The following GAPVD1 variants were observed in gnomAD, a reference collection of about 807,000 sequenced individuals.
GAPVD1 encodes GTPase-activating protein and VPS9 domain-containing protein 1.
Under a neutral mutation model 155.5 loss-of-function variants are expected in GAPVD1, and 35 were observed. That is an observed-to-expected ratio of 0.23 (90% CI 0.17 to 0.30). The LOEUF is 0.30. Among genes scored for constraint, GAPVD1 ranks in the 10% least tolerant of loss-of-function variants. The pLI is 1.00. For synonymous variants in GAPVD1, 636 were observed against 619.7 expected (o/e 1.03, Z -0.39); for missense variants, 1,429 against 1,775.7 (o/e 0.80, Z 3.51).
chr9:125,263,845 G>C (rs997454662), intron 1 of GAPVD1: 5 of 1,216,750 alleles, frequency 4.1e-6, no homozygotes, highest in Middle Eastern at 2.7e-4. Flanking sequence ...TACAGTCTCC[G>C]GGGGGCAGAT....
chr9:125,341,459 A>T, intron 18 of GAPVD1, 195 bp downstream of exon 18: 1 of 477,820 alleles, frequency 2.1e-6, no homozygotes, highest in Non-Finnish European at 3.7e-6. Flanking sequence ...TGTTCTTTGC[A>T]GGAAGTGATA....
At chr9:125,323,642 G>A (rs878874078) in intron 10 of GAPVD1, among the ~76,000 whole-genome samples, 156 bp from the exon 11 acceptor site, 1 of 152,110 alleles carries the variant, frequency 6.6e-6, no homozygotes, top group Admixed American at 6.5e-5. Context: ...TAAATTCCTA[G>A]AAGCAGAATT....
chr9:125,284,614 C>G (rs113278398), intron 2 of GAPVD1, among the ~76,000 whole-genome samples: 31 of 152,108 alleles, frequency 2.0e-4, no homozygotes, highest in African/African-American at 6.7e-4. Flanking sequence ...CCTCTGGCCT[C>G]CTTCAGAATT....
rs764189053 is a variant in GAPVD1, at chr9:125,355,686, T to C, written c.3800T>C (p.Val1267Ala). The change falls in exon 25 of 28, where the codon GTA (valine) becomes GCA (alanine). Residue 1267 changes from valine (V) to alanine (A), a missense_variant. By Grantham distance (64) the Val-to-Ala change is moderately conservative. Around this residue, in one of 4 missense-constraint regions of GAPVD1, gnomAD observed 699 missense variants for 826.0 expected, o/e 0.85. Coordinates refer to ENST00000297933, the MANE Select transcript of GAPVD1 (RefSeq NM_001282680.3). ...LTAADDKTAQVEDFLQFLYGA... is the reference protein window; with the variant it reads ...LTAADDKTAQAEDFLQFLYGA... ...GCAGCTGACGATAAAACTGCTCAGG[T>C]AGAAGATTTTCTGCAGTTTCTTTAT... 16 of 1,613,682 alleles carry C rather than the reference T, an allele frequency of 9.9e-6. No homozygotes were observed. The African/African-American group carries it at 1.9e-4, about 19-fold the overall frequency.
At position 125,341,187 on chromosome 9, in the gene GAPVD1, G is replaced by A. The variant is rs756654918; in HGVS notation, c.2888G>A (p.Arg963His). 6 of 1,589,976 alleles carry A rather than the reference G, an allele frequency of 3.8e-6. No homozygotes were observed. In the African/African-American group the frequency reaches 4.0e-5, roughly 11 times the overall value. ...CAACTTTTTCTACAGACTGAAGAAC[G>A]CAAAGATAGCGATGATGAGAAATCA... ...KDSSRGETEE[R>H]KDSDDEKSDR... Residue 963 changes from arginine (R) to histidine (H), a missense_variant, in exon 18 of 28, where the codon CGC becomes CAC. Arg to His is a conservative substitution (Grantham distance 29). Coordinates refer to ENST00000297933, the MANE Select transcript of GAPVD1 (RefSeq NM_001282680.3).
At position 125,354,638 on chromosome 9, in the gene GAPVD1, G is replaced by T; in HGVS notation, c.3570-16G>T. ...CTGAATATATCTGATGTCATGCAAA[G>T]TATTTTTCCTTTTAGAAAAAGAGCC... On this transcript the variant is annotated splice_polypyrimidine_tract_variant and intron_variant, in intron 23 of 27. Transcript: ENST00000297933. The T allele has an allele frequency of 6.4e-7, 1 of 1,573,112 alleles. No homozygotes were observed. The highest frequency in any genetic ancestry group is 2.2e-5 in the East Asian group (1 of 44,680).
chr9:125,268,518 G>A (rs1329849068), intron 1 of GAPVD1, among the ~76,000 whole-genome samples: 3 of 98,768 alleles, frequency 3.0e-5, no homozygotes, highest in African/African-American at 4.4e-5. Context: ...TTTTTTTTTC[G>A]AGACAAGGTC....
intron 2 of GAPVD1, among the ~76,000 whole-genome samples, chr9:125,290,979 G>C (rs2132478657): frequency 7.4e-6 from 1 of 134,512 alleles, no homozygotes; most frequent in South Asian, 2.5e-4. Flanking sequence ...GCAACAGCAA[G>C]ACCCTGTCTC....
chr9:125,341,287 C>T (rs778820894), intron 18 of GAPVD1, 23 bp downstream of exon 18: 9 of 1,177,626 alleles, frequency 7.6e-6, no homozygotes, highest in East Asian at 4.7e-5. Context: ...AATATTAGAA[C>T]GCTGTATTAG....
chr9:125,328,186 TTC>T (rs1269788525), intron 12 of GAPVD1, among the ~76,000 whole-genome samples: 4 of 148,554 alleles, frequency 2.7e-5, no homozygotes, highest in African/African-American at 5.0e-5. Context: ...GCAAATAGAT[TTC>T]TTTTTTTTTT....
Position 125,362,606 on chromosome 9 carries a change from G to A in GAPVD1, c.4243G>A (p.Ala1415Thr). 1 of 1,592,982 alleles carries A rather than the reference G, an allele frequency of 6.3e-7. No individual in the cohort carries two copies. The part of the protein sequence containing the change: ...VPVLVFVLIK[A>T]NPPCLLSTVQ... Reference sequence around the variant, plus strand: ...TCTTTTTTATTTTTCACTTCTCTAGGCAAATCCACCCTGTTTGCTGTCTAC... The same window carrying A: ...TCTTTTTTATTTTTCACTTCTCTAGACAAATCCACCCTGTTTGCTGTCTAC... The change falls in exon 28 of 28, where the codon GCA (alanine) becomes ACA (threonine). Residue 1415 changes from alanine to threonine, a missense_variant and splice_region_variant. Coordinates refer to ENST00000297933, the MANE Select transcript of GAPVD1 (RefSeq NM_001282680.3).
chr9:125,364,144 G>A lies in GAPVD1; in HGVS notation c.*1398G>A, dbSNP rs1851277566. The A allele has an allele frequency of 6.6e-6, 1 of 152,242 alleles. No individual in the cohort carries two copies. Among genetic ancestry groups the A allele is most frequent in the Non-Finnish European group, 1.5e-5 (1 of 68,036 alleles). 9.4% of individuals were successfully genotyped at this position (152,242 alleles called of 1,614,324 possible). ...TCTTTTAAGGGAACTGTGACAAACA[G>A]CCTCGGGCAGATGAACACGGAGGCT... On this transcript the variant is annotated 3_prime_UTR_variant, in exon 28 of 28. Coordinates refer to ENST00000297933, the MANE Select transcript of GAPVD1 (RefSeq NM_001282680.3).
At chr9:125,303,640 G>A (rs1031834789) in intron 5 of GAPVD1, among the ~76,000 whole-genome samples, 1 of 151,992 alleles carries the variant, frequency 6.6e-6, no homozygotes, top group African/African-American at 2.4e-5. Flanking sequence ...GCCAGGTGTG[G>A]TGTCACATGC....
chr9:125,263,289 A>G, intron 1 of GAPVD1, among the ~76,000 whole-genome samples: 1 of 152,190 alleles, frequency 6.6e-6, no homozygotes, highest in East Asian at 1.9e-4. Context: ...TCTCTACTAA[A>G]AATACAAAAA....
Position 125,359,457 on chromosome 9 carries a change from G to A in GAPVD1, c.4009G>A (p.Val1337Met), listed in dbSNP as rs759816666. ...ACATATCCAGAGATTGTCTAAAGTA[G>A]TGACTGCAAATCACAGAGCTCTTCA... ...HEHIQRLSKV[V>M]TANHRALQIP... Residue 1337 changes from valine to methionine, a missense_variant, in exon 26 of 28, where the codon GTG (valine) becomes ATG (methionine). Val to Met is a conservative substitution (Grantham distance 21). Around this residue, in one of 4 missense-constraint regions of GAPVD1, gnomAD observed 102 missense variants for 196.5 expected, o/e 0.52. Transcript: ENST00000297933. 2.6e-5 allele frequency: 42 copies of A among 1,596,622 alleles called. No individual in the cohort carries two copies. Among genetic ancestry groups the A allele is most frequent in the Non-Finnish European group, 2.8e-5 (33 of 1,164,686 alleles).
chr9:125,342,436 C>T (rs1230359543), intron 19 of GAPVD1, 137 bp downstream of exon 19: 2 of 618,490 alleles, frequency 3.2e-6, no homozygotes, highest in Non-Finnish European at 5.8e-6. Context: ...TTCTTCATAG[C>T]TCTGTGGTTT....
At chr9:125,310,217 AAGAT>A (rs568210923) in intron 8 of GAPVD1, among the ~76,000 whole-genome samples, 185 of 152,298 alleles carry the variant, frequency 1.2e-3, no homozygotes, top group African/African-American at 4.1e-3. Context: ...AATTCAGTAA[AAGAT>A]AGGGTGAGCA....
chr9:125,366,445 G>C lies in GAPVD1; in HGVS notation c.*3699G>C, dbSNP rs919753032. ...AATTATTACTGGATTGCATAAAAGT[G>C]ATAGAAGTGTAGTGGGGTTCACTTC... On this transcript the variant is annotated 3_prime_UTR_variant, in exon 28 of 28. Coordinates refer to ENST00000297933, the MANE Select transcript of GAPVD1 (RefSeq NM_001282680.3). 18 of 152,212 alleles carry C rather than the reference G, an allele frequency of 1.2e-4. No homozygotes were observed. The highest frequency in any genetic ancestry group is 5.2e-4 in the Admixed American group (8 of 15,272). The allele number at this position is 152,212 out of a possible 1,614,324, so 9.4% of individuals were successfully genotyped here.
intron 10 of GAPVD1, among the ~76,000 whole-genome samples, chr9:125,322,795 C>T (rs1844531515): frequency 6.6e-6 from 1 of 151,934 alleles, no homozygotes; most frequent in African/African-American, 2.4e-5. Context: ...GCTCATGCCT[C>T]TAATCCCAGC....
Sources: gnomAD v4.1 joint callset for allele counts (sites outside exome capture counted in the v4.1 genomes callset) on GRCh38, gnomAD v4.1.1 for gene constraint, gnomAD v4.1.1 regional missense constraint, MANE v1.5 for transcripts, NCBI Gene and HGNC (gene_info 2026-07-23, HGNC 2026-07-21) for gene names.